Variants in ANKRD6 observed in about 807,000 individuals in gnomAD.
ANKRD6 encodes ankyrin repeat domain-containing protein 6.
ANKRD6 carries 56 observed loss-of-function variants against 82.3 expected under a neutral mutation model. The ratio of observed to expected loss-of-function variants is 0.68; its 90% CI spans 0.55 to 0.85. The LOEUF (loss-of-function observed/expected upper bound fraction) is 0.85. ANKRD6 is among the 40% of genes least tolerant of loss of function. The pLI, the probability that ANKRD6 is intolerant of heterozygous loss-of-function variation, is 0.00. For synonymous variants in ANKRD6, 347 were observed against 352.1 expected (o/e 0.99, Z 0.16); for missense variants, 852 against 907.6 (o/e 0.94, Z 0.79).
At chr6:89,585,977 A>G (rs1475873603) in intron 2 of ANKRD6, among the ~76,000 whole-genome samples, 5 of 152,240 alleles carry the variant, frequency 3.3e-5, no homozygotes, top group African/African-American at 1.2e-4. Context: ...GAAAAAATCC[A>G]ATGTTTAAAT....
At chr6:89,546,887 G>A (rs1415019525) in intron 1 of ANKRD6, among the ~76,000 whole-genome samples, 1 of 152,190 alleles carries the variant, frequency 6.6e-6, no homozygotes, top group East Asian at 1.9e-4. Context: ...CCTGCAGTCA[G>A]CCCCTCTCTA....
chr6:89,439,279 A>G, intron 1 of ANKRD6, among the ~76,000 whole-genome samples: 1 of 152,202 alleles, frequency 6.6e-6, no homozygotes, highest in East Asian at 1.9e-4. Context: ...TAATGTTATC[A>G]TAAGAGTTTA....
Position 89,633,434 on chromosome 6 carries a change from CT to C in ANKRD6, c.*2431del, listed in dbSNP as rs2128293916. On this transcript the variant is annotated 3_prime_UTR_variant, in exon 16 of 16. Transcript: ENST00000339746. ...CTGCTAAAGTGAGTAAATGCCACAA[CT>C]GTACTTTTCCAAAGAAAAAGAACTA... The C allele has an allele frequency of 6.6e-6, 1 of 152,314 alleles. No homozygotes were observed. Among genetic ancestry groups the C allele is most frequent in the South Asian group, 2.1e-4 (1 of 4,830 alleles). 9.4% of individuals were successfully genotyped at this position (152,314 alleles called of 1,614,324 possible). A position where few individuals can be genotyped will look rare whatever the true frequency, so the allele number is the denominator to read the frequency against.
intron 2 of ANKRD6, among the ~76,000 whole-genome samples, chr6:89,583,291 C>G (rs1157117547): frequency 6.6e-6 from 1 of 152,168 alleles, no homozygotes; most frequent in African/African-American, 2.4e-5. Flanking sequence ...ATTCTAAATG[C>G]CATGACTCAA....
At chr6:89,492,295 T>C (rs766232987) in intron 1 of ANKRD6, among the ~76,000 whole-genome samples, 2 of 152,204 alleles carry the variant, frequency 1.3e-5, no homozygotes, top group African/African-American at 2.4e-5. Context: ...CTGGAAAGCA[T>C]GTAGCTGACC....
chr6:89,589,532 G>A (rs1017457701), intron 2 of ANKRD6, among the ~76,000 whole-genome samples: 4 of 152,150 alleles, frequency 2.6e-5, no homozygotes, highest in African/African-American at 7.2e-5. Flanking sequence ...CCTCACTGGC[G>A]GGAGATCATT....
At chr6:89,477,096 T>C (rs1186944871) in intron 1 of ANKRD6, among the ~76,000 whole-genome samples, 4 of 151,928 alleles carry the variant, frequency 2.6e-5, no homozygotes, top group African/African-American at 9.7e-5. Context: ...AGGCACCCCC[T>C]ACCACGCCCG....
At chr6:89,528,973 G>T (rs1182144357) in intron 1 of ANKRD6, among the ~76,000 whole-genome samples, 2 of 152,200 alleles carry the variant, frequency 1.3e-5, no homozygotes, top group African/African-American at 4.8e-5. Context: ...GGCCTTTGTT[G>T]TTCCATTTAT....
chr6:89,619,966 C>G (rs1563107284), intron 9 of ANKRD6: 1 of 152,330 alleles, frequency 6.6e-6, no homozygotes, highest in Non-Finnish European at 1.5e-5. Flanking sequence ...ATTCTCCTGC[C>G]TCAGCCTCCT....
rs566075655 is a variant in ANKRD6 at position 89,535,493 on chromosome 6, C to G, written c.-143-31341C>G. On this transcript the variant is annotated intron_variant, in intron 1 of 15. Coordinates refer to ENST00000339746, the MANE Select transcript of ANKRD6 (RefSeq NM_001242809.2). ...GCAAAAATACTGTGCTTTGGATTCG[C>G]CAATAAATATGGAACGTGATGCACA... is the stretch of plus-strand genomic sequence containing the variant. Among the ~76,000 whole-genome samples the G allele has an allele frequency of 1.2e-4, 18 of 152,274 alleles. No individual in the cohort carries two copies. The South Asian group carries it at 3.5e-3, about 30-fold the overall frequency.
rs536164243 is a variant in ANKRD6 at position 89,467,240 on chromosome 6, T to C, written c.-144+33865T>C. Among the ~76,000 whole-genome samples the C allele has an allele frequency of 2.6e-5, 4 of 152,272 alleles. No homozygotes were observed. The East Asian group carries it at 7.7e-4, about 29-fold the overall frequency. ...TTAAATTAAGGTTGGTCAATTAAGCTTCATTCATGAGGTCTCTTAGAGAAA... is the reference window on the plus strand; with the variant it reads ...TTAAATTAAGGTTGGTCAATTAAGCCTCATTCATGAGGTCTCTTAGAGAAA... On this transcript the variant is annotated intron_variant, in intron 1 of 15. Transcript: ENST00000339746.
At chr6:89,449,093 T>A (rs1582648698) in intron 1 of ANKRD6, among the ~76,000 whole-genome samples, 1 of 152,016 alleles carries the variant, frequency 6.6e-6, no homozygotes, top group South Asian at 2.1e-4. Flanking sequence ...AGAAAGTGAT[T>A]CCTCTGATGG....
At chr6:89,572,152 A>G (rs1313558131) in intron 2 of ANKRD6, among the ~76,000 whole-genome samples, 1 of 152,168 alleles carries the variant, frequency 6.6e-6, no homozygotes, top group Non-Finnish European at 1.5e-5. Flanking sequence ...TGGATATACT[A>G]CAGTTTTGGA....
intron 1 of ANKRD6, among the ~76,000 whole-genome samples, chr6:89,502,399 A>C (rs781227742): frequency 6.6e-5 from 10 of 152,140 alleles, no homozygotes; most frequent in Non-Finnish European, 1.2e-4. Flanking sequence ...TAATCCTAGC[A>C]CTTTGGGAGG....
intron 5 of ANKRD6, among the ~76,000 whole-genome samples, chr6:89,607,799 C>CCCCACG (rs765883126): frequency 6.6e-6 from 1 of 151,774 alleles, no homozygotes; most frequent in Non-Finnish European, 1.5e-5. Flanking sequence ...GGGCATGTGC[C>CCCCACG]CCCACGCCCG....
intron 1 of ANKRD6, among the ~76,000 whole-genome samples, chr6:89,472,900 G>C (rs1037475614): frequency 6.6e-6 from 1 of 152,144 alleles, no homozygotes; most frequent in Non-Finnish European, 1.5e-5. Flanking sequence ...CATGGTCACT[G>C]TCCTTGCTCT....
intron 1 of ANKRD6, among the ~76,000 whole-genome samples, chr6:89,466,774 A>G (rs1353243119): frequency 1.3e-5 from 2 of 152,078 alleles, no homozygotes; most frequent in Non-Finnish European, 2.9e-5. Context: ...TCGTGTGATC[A>G]TGACTCACTG....
chr6:89,456,526 C>G (rs1773532583), intron 1 of ANKRD6, among the ~76,000 whole-genome samples: 1 of 152,184 alleles, frequency 6.6e-6, no homozygotes, highest in African/African-American at 2.4e-5. Context: ...TGTCTCCAGT[C>G]AGACTGGGTT....
intron 1 of ANKRD6, among the ~76,000 whole-genome samples, chr6:89,545,601 G>C (rs1456475224): frequency 6.6e-6 from 1 of 152,090 alleles, no homozygotes; most frequent in Non-Finnish European, 1.5e-5. Flanking sequence ...CTGTGTGACG[G>C]GTACAGTCAC....
Sources: allele counts gnomAD v4.1 joint callset (sites outside exome capture counted in the v4.1 genomes callset), GRCh38; gene constraint gnomAD v4.1.1; transcripts MANE v1.5; gene names NCBI Gene and HGNC (gene_info 2026-07-23, HGNC 2026-07-21).